Variants in CDH6 observed in about 807,000 individuals in gnomAD.
CDH6 encodes the protein cadherin 6.
CDH6 carries 31 observed loss-of-function variants against 78.0 expected under a neutral mutation model. The ratio of observed to expected loss-of-function variants is 0.40; its 90% CI spans 0.30 to 0.54. The LOEUF (loss-of-function observed/expected upper bound fraction) is 0.54. CDH6 is among the 20% of genes least tolerant of loss of function. The probability of loss-of-function intolerance (pLI) is 0.56; values close to 1 mark genes in which losing one functional copy is unlikely to be tolerated. For synonymous variants in CDH6, 376 were observed against 368.8 expected (o/e 1.02, Z -0.23); for missense variants, 724 against 975.9 (o/e 0.74, Z 3.44).
Position 31,294,324 on chromosome 5 carries a change from A to C in CDH6, c.523+68A>C. 1 of 1,327,070 alleles carries C rather than the reference A, an allele frequency of 7.5e-7. No homozygotes were observed. Among genetic ancestry groups the C allele is most frequent in the East Asian group, 2.3e-5 (1 of 43,416 alleles). The allele number at this position is 1,327,070 out of a possible 1,614,324, so 82.2% of individuals were successfully genotyped here. A position where few individuals can be genotyped will look rare whatever the true frequency, so the allele number is the denominator to read the frequency against. On this transcript the variant is annotated intron_variant, in intron 3 of 11. Coordinates refer to ENST00000265071, the MANE Select transcript of CDH6 (RefSeq NM_004932.4). The surrounding 1 kb of genome is among the most constrained non-coding windows in gnomAD (Gnocchi z 4.1). ...GTGCATCCACTGAGTAAGGAATCCC[A>C]CGAGCTCAAAGTACTGAACTGCATG...
chr5:31,199,457 TGTATATATAC>T (rs1336627455), intron 1 of CDH6, among the ~76,000 whole-genome samples: 1 of 22,612 alleles, frequency 4.4e-5, no homozygotes, highest in East Asian at 4.0e-3. Context: ...CACACATATG[TGTATATATAC>T]ACACACATAT....
chr5:31,318,029 A>G (rs1345172888), intron 11 of CDH6, 105 bp downstream of exon 11: 1 of 1,347,782 alleles, frequency 7.4e-7, no homozygotes, highest in Admixed American at 1.7e-5. Context: ...ATACAGCCTG[A>G]TCTAGGTGAG....
chr5:31,237,315 G>A (rs1741479518), intron 1 of CDH6, among the ~76,000 whole-genome samples: 1 of 152,056 alleles, frequency 6.6e-6, no homozygotes, highest in Non-Finnish European at 1.5e-5. Context: ...AAGGATGGAG[G>A]TGTCAGCAGA....
chr5:31,206,555 A>T (rs1038742727), intron 1 of CDH6, among the ~76,000 whole-genome samples: 1 of 152,178 alleles, frequency 6.6e-6, no homozygotes, highest in Non-Finnish European at 1.5e-5. Flanking sequence ...AAAGGTTCAG[A>T]TTCATCATTA....
At position 31,324,219 on chromosome 5, in the gene CDH6, G is replaced by C. The variant is rs1487378584; in HGVS notation, c.*911G>C. On this transcript the variant is annotated 3_prime_UTR_variant, in exon 12 of 12. Coordinates refer to ENST00000265071, the MANE Select transcript of CDH6 (RefSeq NM_004932.4). ...GACAAATTTTAACTTCTTGTCTATA[G>C]TTGTCAGTATTATTCTACTATACTG... is the stretch of plus-strand genomic sequence containing the variant. 1.4e-5 allele frequency: 3 copies of C among 215,066 alleles called. No homozygotes were observed. The highest frequency in any genetic ancestry group is 2.8e-5 in the Non-Finnish European group (3 of 106,742). 13.3% of individuals were successfully genotyped at this position (215,066 alleles called of 1,614,324 possible). A position where few individuals can be genotyped will look rare whatever the true frequency, so the allele number is the denominator to read the frequency against.
intron 1 of CDH6, among the ~76,000 whole-genome samples, chr5:31,242,701 T>TGG (rs147969887): frequency 0.19 from 26,108 of 137,640 alleles, 2,622 homozygotes; most frequent in South Asian, 0.37. Flanking sequence ...AGAATAAGAA[T>TGG]GGGGGGGGGC....
chr5:31,251,197 T>C (rs1049339579), intron 1 of CDH6: 10 of 152,276 alleles, frequency 6.6e-5, no homozygotes, highest in African/African-American at 2.2e-4. Flanking sequence ...TGACTCAGTC[T>C]TGTGGGAGGC....
At chr5:31,232,812 T>C (rs1403509564) in intron 1 of CDH6, among the ~76,000 whole-genome samples, 1 of 152,230 alleles carries the variant, frequency 6.6e-6, no homozygotes, top group Non-Finnish European at 1.5e-5. Flanking sequence ...ATGGCACTTA[T>C]GCTATTGCCA....
chr5:31,246,164 C>T (rs920024297), intron 1 of CDH6, among the ~76,000 whole-genome samples: 1 of 152,036 alleles, frequency 6.6e-6, no homozygotes, highest in South Asian at 2.1e-4. Context: ...CCCACTTTGG[C>T]CTCCCAAAGT....
At chr5:31,254,767 G>T (rs1742009762) in intron 1 of CDH6, among the ~76,000 whole-genome samples, 1 of 152,086 alleles carries the variant, frequency 6.6e-6, no homozygotes, top group African/African-American at 2.4e-5. Context: ...TTTTTCTTCG[G>T]ATTTTTTCAT....
chr5:31,244,922 C>T (rs1443179313), intron 1 of CDH6, among the ~76,000 whole-genome samples: 1 of 152,318 alleles, frequency 6.6e-6, no homozygotes, highest in East Asian at 1.9e-4. Flanking sequence ...CTGAGCCCCC[C>T]ACAAACAGCA....
At chr5:31,290,342 A>T (rs923227717) in intron 2 of CDH6, among the ~76,000 whole-genome samples, 12 of 152,218 alleles carry the variant, frequency 7.9e-5, no homozygotes, top group African/African-American at 2.2e-4. Flanking sequence ...TGCTACAGGT[A>T]CAGTAGTAAA....
At chr5:31,312,962 C>CAA (rs1554010889) in intron 7 of CDH6, among the ~76,000 whole-genome samples, 5 of 151,740 alleles carry the variant, frequency 3.3e-5, no homozygotes, top group Non-Finnish European at 5.9e-5. Flanking sequence ...CACACACACA[C>CAA]ACACACACAT....
chr5:31,231,132 T>C (rs533928296), intron 1 of CDH6, among the ~76,000 whole-genome samples: 1 of 152,224 alleles, frequency 6.6e-6, no homozygotes, highest in Non-Finnish European at 1.5e-5. Flanking sequence ...TGATTCAGCC[T>C]ATAATGATTT....
At chr5:31,204,298 A>G (rs969167475) in intron 1 of CDH6, among the ~76,000 whole-genome samples, 9 of 152,200 alleles carry the variant, frequency 5.9e-5, no homozygotes, top group African/African-American at 2.2e-4. Flanking sequence ...AAAAGCAATG[A>G]AATTAAATTG....
At chr5:31,235,795 C>T (rs1258063833) in intron 1 of CDH6, among the ~76,000 whole-genome samples, 5 of 152,098 alleles carry the variant, frequency 3.3e-5, no homozygotes, top group African/African-American at 1.2e-4. Context: ...AGAAGCAATA[C>T]TTTAGCCACA....
chr5:31,210,505 A>C (rs931247885), intron 1 of CDH6, among the ~76,000 whole-genome samples: 1 of 152,122 alleles, frequency 6.6e-6, no homozygotes, highest in Admixed American at 6.5e-5. Context: ...CTTCATCTCA[A>C]TAAATAAATA....
intron 1 of CDH6, among the ~76,000 whole-genome samples, chr5:31,209,630 A>G (rs1445680034): frequency 6.6e-6 from 1 of 152,234 alleles, no homozygotes; most frequent in Non-Finnish European, 1.5e-5. Context: ...TTCAGCTGGT[A>G]TATTGGGACA....
intron 1 of CDH6, among the ~76,000 whole-genome samples, chr5:31,208,411 G>A (rs182733448): frequency 3.2e-4 from 48 of 152,232 alleles, no homozygotes; most frequent in Middle Eastern, 3.4e-3. Flanking sequence ...TTTATATTAC[G>A]ACAAACAAGC....
Sources: allele counts gnomAD v4.1 joint callset (sites outside exome capture counted in the v4.1 genomes callset), GRCh38; gene constraint gnomAD v4.1.1; non-coding constraint Gnocchi (gnomAD v3.1); transcripts MANE v1.5; gene names NCBI Gene and HGNC (gene_info 2026-07-23, HGNC 2026-07-21).